Variants in C2CD2 observed in about 807,000 individuals in gnomAD.
C2CD2 encodes the protein C2 domain-containing protein 2.
C2CD2 carries 43 observed loss-of-function variants against 74.3 expected under a neutral mutation model. The ratio of observed to expected loss-of-function variants is 0.58; its 90% confidence interval spans 0.45 to 0.75. The LOEUF (loss-of-function observed/expected upper bound fraction) is 0.75, where lower values mean the gene tolerates loss of function less well. C2CD2 is among the 30% of genes least tolerant of loss of function. The probability of loss-of-function intolerance (pLI) is 0.00; values close to 1 mark genes in which losing one functional copy is unlikely to be tolerated. For missense variants in C2CD2, 801 were observed against 916.3 expected (o/e 0.87, Z 1.63); for synonymous variants, 422 against 390.7 (o/e 1.08, Z -0.94).
At chr21:41,935,080 C>T (rs9976996) in intron 2 of C2CD2, among the ~76,000 whole-genome samples, 19 of 152,006 alleles carry the variant, frequency 1.2e-4, no homozygotes, top group African/African-American at 3.4e-4. Context: ...TTAGTAGAGA[C>T]GGGGTTTCAC....
In C2CD2 at chr21:41,923,624, C is replaced by T. The variant is rs778247115; in HGVS notation, c.379-1539G>A. 2.6e-5 allele frequency among the ~76,000 whole-genome samples: 4 copies of T among 152,074 alleles called. No individual in the cohort carries two copies. The highest frequency in any genetic ancestry group is 5.9e-5 in the Non-Finnish European group (4 of 68,016). ...CAAAACCAGAATTATAAAATGAGCTCGTTGAAGAAACTGTCAGACAGAGAA... is the reference window on the plus strand; with the variant it reads ...CAAAACCAGAATTATAAAATGAGCTTGTTGAAGAAACTGTCAGACAGAGAA... On this transcript the variant is annotated intron_variant, in intron 2 of 13. Transcript: ENST00000380486. The surrounding 1 kb of genome is among the most constrained non-coding windows in gnomAD (Gnocchi z 5.8).
At chr21:41,918,373 G>A (rs983758189) in intron 4 of C2CD2, 146 bp from the exon 5 acceptor site, 2 of 908,912 alleles carry the variant, frequency 2.2e-6, no homozygotes, top group Admixed American at 5.4e-5. Context: ...CAAAAACTGT[G>A]GAAAGAAAGG....
chr21:41,909,675 T>A (rs58643923), intron 7 of C2CD2, 152 bp from the exon 8 acceptor site: 97,505 of 656,748 alleles, frequency 0.15, 8,392 homozygotes, highest in East Asian at 0.3. Flanking sequence ...GGGAAAGAGT[T>A]ATCTGCAACC....
rs776323159 is a variant in C2CD2, at chr21:41,953,536, A to C, written c.113T>G (p.Leu38Arg). Reference sequence around the variant, plus strand: ...CTGGGGCTGGGGTCGCGCCCTGGCCAGCGCCCACTGCGCCAGGTACAGGCC... The same window carrying C: ...CTGGGGCTGGGGTCGCGCCCTGGCCCGCGCCCACTGCGCCAGGTACAGGCC... ...TVGLYLAQWA[L>R]ARARPQPQRR... is the part of the protein sequence containing the mutation. Residue 38 changes from leucine to arginine, a missense_variant, in exon 1 of 14, where the codon CTG (leucine) becomes CGG (arginine). Transcript: ENST00000380486. The C allele has an allele frequency of 7.7e-5, 114 of 1,478,114 alleles. No individual in the cohort carries two copies. Among genetic ancestry groups the C allele is most frequent in the Non-Finnish European group, 9.6e-5 (108 of 1,120,148 alleles). The allele number at this position is 1,478,114 out of a possible 1,614,324, so 91.6% of individuals were successfully genotyped here.
intron 2 of C2CD2, among the ~76,000 whole-genome samples, chr21:41,933,260 G>GTT (rs34078516): frequency 0.012 from 1,678 of 145,890 alleles, 111 homozygotes; most frequent in Middle Eastern, 0.02. Flanking sequence ...TTCTGTTACA[G>GTT]TTTTTTTTTT....
Position 41,889,348 on chromosome 21 carries a change from G to A in C2CD2, c.1871-4C>T, listed in dbSNP as rs761792971. On this transcript the variant is annotated splice_polypyrimidine_tract_variant and splice_region_variant and intron_variant, in intron 13 of 13. Transcript: ENST00000380486. ...GCACCTTTCCTTAGAATTCCTCCTG[G>A]AAGAGGGAGGCACAAGGGCTGGTCA... 1.2e-6 allele frequency: 2 copies of A among 1,607,046 alleles called. No homozygotes were observed. Among genetic ancestry groups the A allele is most frequent in the African/African-American group, 1.3e-5 (1 of 74,874 alleles).
At position 41,927,691 on chromosome 21, in the gene C2CD2, G is replaced by A. The variant is rs749467103; in HGVS notation, c.379-5606C>T. Among the ~76,000 whole-genome samples, 153 of 152,166 alleles carry A rather than the reference G, an allele frequency of 1.0e-3. No individual in the cohort carries two copies. In the Middle Eastern group the frequency reaches 0.017, roughly 17 times the overall value. On this transcript the variant is annotated intron_variant, in intron 2 of 13. Transcript: ENST00000380486. ...TCACTATGTTGGCCAGGCTGGTCCC[G>A]AACTCCTGACCTCATGATCCACCCA...
chr21:41,926,616 T>G lies in C2CD2; in HGVS notation c.379-4531A>C. The G allele has an allele frequency of 1.0e-6, 1 of 984,762 alleles. No homozygotes were observed. The highest frequency in any genetic ancestry group is 1.7e-5 in the African/African-American group (1 of 57,328). 61.0% of individuals were successfully genotyped at this position (984,762 alleles called of 1,614,324 possible). On this transcript the variant is annotated intron_variant, in intron 2 of 13. Transcript: ENST00000380486. The surrounding 1 kb of genome is among the most constrained non-coding windows in gnomAD (Gnocchi z 8.0). Reference sequence around the variant, plus strand: ...CTGGAAACTATTCCTTTGTTTAGACTTGGGGCCAAAAAATTCCAGGCACAG... The same window carrying G: ...CTGGAAACTATTCCTTTGTTTAGACGTGGGGCCAAAAAATTCCAGGCACAG...
At position 41,921,885 on chromosome 21, in the gene C2CD2, C is replaced by G. The variant is rs556670545; in HGVS notation, c.492+87G>C. The stretch of plus-strand genomic sequence containing the variant: ...ATAATTAATAAAAACATGAACGTTA[C>G]AGCCCTCTGACTCACACCATGCTCA... On this transcript the variant is annotated intron_variant, in intron 3 of 13. Transcript: ENST00000380486. The G allele has an allele frequency of 4.4e-4, 347 of 780,162 alleles. 5 individuals are homozygous for G. The South Asian group carries it at 5.2e-3, about 12-fold the overall frequency. 48.3% of individuals were successfully genotyped at this position (780,162 alleles called of 1,614,324 possible).
chr21:41,917,845 T>C (rs781728799), intron 5 of C2CD2, among the ~76,000 whole-genome samples: 14 of 152,114 alleles, frequency 9.2e-5, no homozygotes, highest in Non-Finnish European at 1.3e-4. Flanking sequence ...ACCTTGGTCC[T>C]GGAAAGATGA....
rs748937416 is a variant in C2CD2, at chr21:41,924,465, CAT to C, written c.379-2382_379-2381del. On this transcript the variant is annotated intron_variant, in intron 2 of 13. Transcript: ENST00000380486. This position sits in a 1 kb window ranked among gnomAD's most constrained non-coding sequence, Gnocchi z 4.4. Reference sequence around the variant, plus strand: ...ACGCCACGTTCAGAAGACTGATACACATGAGTTAATTACATATTTCCATCATC... The same window carrying C: ...ACGCCACGTTCAGAAGACTGATACACGAGTTAATTACATATTTCCATCATC... Among the ~76,000 whole-genome samples, 13 of 152,238 alleles carry C rather than the reference CAT, an allele frequency of 8.5e-5. No homozygotes were observed. The highest frequency in any genetic ancestry group is 2.0e-4 in the Admixed American group (3 of 15,284).
At chr21:41,932,497 T>C (rs1432735866) in intron 2 of C2CD2, among the ~76,000 whole-genome samples, 1 of 150,502 alleles carries the variant, frequency 6.6e-6, no homozygotes, top group African/African-American at 2.4e-5. Context: ...GTGTCTGAAG[T>C]GGGGGCCGTC....
chr21:41,907,603 C>A, intron 9 of C2CD2, 57 bp downstream of exon 9: 1 of 1,580,956 alleles, frequency 6.3e-7, no homozygotes, highest in Non-Finnish European at 8.6e-7. Flanking sequence ...AGTGAAGACG[C>A]TCCTTGGGTA....
rs1039703909 is a variant in C2CD2 at position 41,903,693 on chromosome 21, C to T, written c.1433-1944G>A. Among the ~76,000 whole-genome samples, 1 of 152,176 alleles carries T rather than the reference C, an allele frequency of 6.6e-6. No individual in the cohort carries two copies. The highest frequency in any genetic ancestry group is 1.5e-5 in the Non-Finnish European group (1 of 68,022). On this transcript the variant is annotated intron_variant, in intron 11 of 13. Transcript: ENST00000380486. This position sits in a 1 kb window ranked among gnomAD's most constrained non-coding sequence, Gnocchi z 4.5. ...ACGTGTCGGGAGCACGTCCTCCTCA[C>T]GCCAGGCCCAGTGCTTCTGTTCAGT...
At chr21:41,931,896 A>T (rs1213948942) in intron 2 of C2CD2, among the ~76,000 whole-genome samples, 3 of 33,228 alleles carry the variant, frequency 9.0e-5, no homozygotes, top group Non-Finnish European at 1.2e-4. Context: ...GCATCCCACC[A>T]CCCCACCTCC....
chr21:41,948,408 G>A (rs2065420231), intron 1 of C2CD2, among the ~76,000 whole-genome samples: 1 of 152,234 alleles, frequency 6.6e-6, no homozygotes, highest in Admixed American at 6.5e-5. Flanking sequence ...GCAGGGCGGG[G>A]AGCATCTTGG....
intron 1 of C2CD2, among the ~76,000 whole-genome samples, chr21:41,950,627 C>T (rs974050926): frequency 1.3e-5 from 2 of 152,166 alleles, no homozygotes; most frequent in African/African-American, 4.8e-5. Context: ...ATTTAGGTCT[C>T]CAAGTTGATA....
At chr21:41,911,200 G>A (rs1187742436) in intron 7 of C2CD2, among the ~76,000 whole-genome samples, 1 of 151,948 alleles carries the variant, frequency 6.6e-6, no homozygotes, top group African/African-American at 2.4e-5. Flanking sequence ...TTTCTCTTTT[G>A]ATCTAGTAAT....
Position 41,949,827 on chromosome 21 carries a change from T to C in C2CD2, c.279+3543A>G, listed in dbSNP as rs551377182. On this transcript the variant is annotated intron_variant, in intron 1 of 13. Coordinates refer to ENST00000380486, the MANE Select transcript of C2CD2 (RefSeq NM_015500.2). ...GCAGCCATAAAAAAGGATGAGTTCA[T>C]GTCCTTTGCAGGGACATGGATGAAG... is the stretch of plus-strand genomic sequence containing the variant. Among the ~76,000 whole-genome samples, 46 of 152,350 alleles carry C rather than the reference T, an allele frequency of 3.0e-4. 1 individual carries two copies. Among genetic ancestry groups the C allele is most frequent in the Admixed American group, 5.9e-4 (9 of 15,308 alleles).
Sources: gnomAD v4.1 joint callset for allele counts (sites outside exome capture counted in the v4.1 genomes callset) on GRCh38, gnomAD v4.1.1 for gene constraint, Gnocchi (gnomAD v3.1) non-coding constraint, MANE v1.5 for transcripts, NCBI Gene and HGNC (gene_info 2026-07-23, HGNC 2026-07-21) for gene names.